UIMC1: variants seen among roughly 807,000 people sequenced by gnomAD.
The protein encoded by UIMC1 is BRCA1-A complex subunit RAP80.
In UIMC1, 42 loss-of-function variants were observed where a neutral mutation model predicts 84.9. The observed-to-expected ratio is 0.49, with a 90% CI of 0.39 to 0.64. UIMC1 has a LOEUF of 0.64. Ranked by LOEUF, UIMC1 falls within the 30% of genes least tolerant of loss-of-function variation. UIMC1 has a pLI of 0.00. For synonymous variants in UIMC1, 281 were observed against 293.0 expected, an observed-to-expected ratio of 0.96 and a Z score of 0.42; for missense variants, 825 against 847.6, an observed-to-expected ratio of 0.97 and a Z score of 0.33.
In UIMC1 at chr5:176,969,848, G is replaced by A. The variant is rs951862022; in HGVS notation, c.358-142C>T. ...GTAAATGGCTCAATTTAATTTCACA[G>A]CATATGCTGAATGTCTATGTGCAAA... On this transcript the variant is annotated intron_variant, in intron 4 of 14. Coordinates refer to ENST00000511320, the MANE Select transcript of UIMC1 (RefSeq NM_001199298.2). 12 of 681,876 alleles carry A rather than the reference G, an allele frequency of 1.8e-5. No individual in the cohort carries two copies. In the African/African-American group the frequency reaches 1.8e-4, roughly 10 times the overall value. 42.2% of individuals were successfully genotyped at this position (681,876 alleles called of 1,614,324 possible). A position where few individuals can be genotyped will look rare whatever the true frequency, so the allele number is the denominator to read the frequency against.
At chr5:176,949,195 T>G (rs769599043) in intron 9 of UIMC1, among the ~76,000 whole-genome samples, 1 of 152,158 alleles carries the variant, frequency 6.6e-6, no homozygotes, top group Non-Finnish European at 1.5e-5. Flanking sequence ...TGTATACATG[T>G]GCCATGTTGG....
chr5:176,925,197 T>C (rs941076201), intron 10 of UIMC1, among the ~76,000 whole-genome samples: 4 of 152,162 alleles, frequency 2.6e-5, no homozygotes, highest in African/African-American at 9.6e-5. Context: ...GACAAAACAT[T>C]TGAACACTTT....
intron 1 of UIMC1, chr5:177,006,229 T>C (rs1169299510): frequency 6.6e-6 from 1 of 152,104 alleles, no homozygotes; most frequent in Non-Finnish European, 1.5e-5. Context: ...CAACCTGGCG[T>C]TCCGAGGGGC....
chr5:177,004,052 G>A (rs1437297200), intron 1 of UIMC1, among the ~76,000 whole-genome samples: 2 of 152,154 alleles, frequency 1.3e-5, no homozygotes, highest in African/African-American at 4.8e-5. Context: ...CTGGTCTTGA[G>A]CTCCTGGGTG....
At chr5:176,941,029 C>G (rs1304638247) in intron 10 of UIMC1, among the ~76,000 whole-genome samples, 1 of 152,180 alleles carries the variant, frequency 6.6e-6, no homozygotes, top group Admixed American at 6.5e-5. Flanking sequence ...GGAACATATC[C>G]TTGGGAAATA....
intron 10 of UIMC1, among the ~76,000 whole-genome samples, chr5:176,929,095 T>G (rs1762759536): frequency 7.0e-6 from 1 of 142,946 alleles, no homozygotes; most frequent in African/African-American, 2.6e-5. Context: ...CTACTAATAA[T>G]AGAAAAAAAA....
At chr5:176,936,269 C>G (rs895981726) in intron 10 of UIMC1, among the ~76,000 whole-genome samples, 19 of 152,318 alleles carry the variant, frequency 1.2e-4, no homozygotes, top group African/African-American at 4.6e-4. Flanking sequence ...AATCCTCATA[C>G]TAATTTTACA....
intron 8 of UIMC1, among the ~76,000 whole-genome samples, chr5:176,952,607 G>A (rs571180117): frequency 1.3e-5 from 2 of 152,316 alleles, no homozygotes; most frequent in East Asian, 3.9e-4. Flanking sequence ...GGCCCACAGG[G>A]CCTAAAATAT....
chr5:176,984,335 G>A (rs1265985096), intron 1 of UIMC1, among the ~76,000 whole-genome samples: 5 of 129,306 alleles, frequency 3.9e-5, no homozygotes, highest in South Asian at 5.4e-4. Flanking sequence ...CTGCCCGGCC[G>A]CCCCGTCTGG....
intron 10 of UIMC1, among the ~76,000 whole-genome samples, chr5:176,932,420 G>C (rs993615009): frequency 6.6e-6 from 1 of 152,172 alleles, no homozygotes; most frequent in African/African-American, 2.4e-5. Context: ...GCAATGTCAT[G>C]AATATAAATA....
intron 2 of UIMC1, among the ~76,000 whole-genome samples, chr5:176,980,443 T>C (rs1021531889): frequency 2.0e-5 from 3 of 152,186 alleles, no homozygotes; most frequent in Admixed American, 2.0e-4. Flanking sequence ...AGCATGGTTC[T>C]TTTCCTGTAA....
chr5:176,928,202 T>C (rs1405506725), intron 10 of UIMC1, among the ~76,000 whole-genome samples: 2 of 152,182 alleles, frequency 1.3e-5, no homozygotes, highest in African/African-American at 4.8e-5. Flanking sequence ...ATTTATAAAT[T>C]GTCTATGGCT....
chr5:176,926,545 G>A (rs1157257480), intron 10 of UIMC1, among the ~76,000 whole-genome samples: 1 of 151,992 alleles, frequency 6.6e-6, no homozygotes, highest in Non-Finnish European at 1.5e-5. Context: ...GCTGAGGTGG[G>A]AGGACTGCTG....
chr5:176,957,606 A>G (rs141371071), intron 7 of UIMC1, among the ~76,000 whole-genome samples: 1 of 152,338 alleles, frequency 6.6e-6, no homozygotes, highest in African/African-American at 2.4e-5. Context: ...TGTGGCCTGA[A>G]TAATATGAAG....
chr5:176,935,518 T>C (rs1763620144), intron 10 of UIMC1, among the ~76,000 whole-genome samples: 1 of 152,172 alleles, frequency 6.6e-6, no homozygotes, highest in African/African-American at 2.4e-5. Context: ...GGTCAGTCTG[T>C]CCCCAAAATC....
At chr5:176,983,114 G>T (rs1270050405) in intron 1 of UIMC1, among the ~76,000 whole-genome samples, 1 of 151,960 alleles carries the variant, frequency 6.6e-6, no homozygotes, top group Non-Finnish European at 1.5e-5. Flanking sequence ...GGTTACAGGA[G>T]TGAGCCACCA....
At chr5:176,934,163 AC>A (rs1763447497) in intron 10 of UIMC1, among the ~76,000 whole-genome samples, 1 of 152,158 alleles carries the variant, frequency 6.6e-6, no homozygotes, top group Non-Finnish European at 1.5e-5. Context: ...ACAATATTTC[AC>A]TAACAGCAGG....
intron 10 of UIMC1, among the ~76,000 whole-genome samples, chr5:176,924,499 T>C (rs1384855594): frequency 2.6e-5 from 4 of 151,812 alleles, no homozygotes; most frequent in Admixed American, 2.6e-4. Flanking sequence ...ACATAAACTC[T>C]CACTTATACA....
chr5:176,960,684 C>G (rs1243305754), intron 6 of UIMC1, among the ~76,000 whole-genome samples: 1 of 71,774 alleles, frequency 1.4e-5, no homozygotes, highest in Non-Finnish European at 2.4e-5. Flanking sequence ...GTCTCCCTCT[C>G]ATGCGGAGCC....
Sources: gnomAD v4.1 joint callset for allele counts (sites outside exome capture counted in the v4.1 genomes callset) on GRCh38, gnomAD v4.1.1 for gene constraint, MANE v1.5 for transcripts, NCBI Gene and HGNC (gene_info 2026-07-23, HGNC 2026-07-21) for gene names.